GPR158: variants seen among roughly 807,000 people sequenced by gnomAD.
GPR158 encodes G protein-coupled receptor 158.
GPR158 carries 30 observed loss-of-function variants against 78.2 expected under a neutral mutation model. The observed-to-expected ratio is 0.38, with a 90% CI of 0.29 to 0.52. The LOEUF is 0.52. Ranked by LOEUF, GPR158 falls within the 20% of genes least tolerant of loss-of-function variation. The pLI, the probability that GPR158 is intolerant of heterozygous loss-of-function variation, is 0.83. For synonymous variants in GPR158, 581 were observed against 591.1 expected, an observed-to-expected ratio of 0.98 and a Z score of 0.25; for missense variants, 1,463 against 1,523.5, an observed-to-expected ratio of 0.96 and a Z score of 0.66.
intron 2 of GPR158, among the ~76,000 whole-genome samples, chr10:25,305,897 A>C (rs7101138): frequency 0.2 from 30,797 of 152,092 alleles, 5,268 homozygotes; most frequent in African/African-American, 0.47. Context: ...TTTTTGGTTT[A>C]AGTTTGTGGC....
At chr10:25,226,936 GT>G (rs1853380760) in intron 2 of GPR158, among the ~76,000 whole-genome samples, 1 of 152,152 alleles carries the variant, frequency 6.6e-6, no homozygotes. Context: ...TCTTTCCTCT[GT>G]TTCAGTCACC....
At chr10:25,576,550 A>G (rs1465059869) in intron 7 of GPR158, among the ~76,000 whole-genome samples, 5 of 152,194 alleles carry the variant, frequency 3.3e-5, no homozygotes, top group Admixed American at 6.5e-5. Flanking sequence ...ATACTGGGAA[A>G]GAGGACATAG....
At chr10:25,286,857 G>T (rs1209813940) in intron 2 of GPR158, among the ~76,000 whole-genome samples, 1 of 152,076 alleles carries the variant, frequency 6.6e-6, no homozygotes, top group African/African-American at 2.4e-5. Context: ...TATGTTTAGG[G>T]TGATGGTAGT....
chr10:25,511,619 A>G (rs1056433978), intron 5 of GPR158, among the ~76,000 whole-genome samples: 3 of 152,160 alleles, frequency 2.0e-5, no homozygotes, highest in Non-Finnish European at 4.4e-5. Context: ...GTCTGAGCCA[A>G]TGTCTAGAAG....
At chr10:25,468,070 T>A (rs12770449) in intron 5 of GPR158, among the ~76,000 whole-genome samples, 22,264 of 152,066 alleles carry the variant, frequency 0.15, 1,820 homozygotes, top group African/African-American at 0.2. Flanking sequence ...TGCACCTGCG[T>A]ATCTCTTAGG....
Position 25,495,166 on chromosome 10 carries a change from G to C in GPR158, c.1404+28447G>C, listed in dbSNP as rs1247182376. Among the ~76,000 whole-genome samples, 10 of 147,220 alleles carry C rather than the reference G, an allele frequency of 6.8e-5. No individual in the cohort carries two copies. In the East Asian group the frequency reaches 2.0e-3, roughly 29 times the overall value. ...TCCACTAACTTTTTTTTTTTTTTTA[G>C]ATATATAAGTACATGAGGAACAAAT... is the stretch of plus-strand genomic sequence containing the variant. On this transcript the variant is annotated intron_variant, in intron 5 of 10. Transcript: ENST00000376351.
chr10:25,502,180 C>T (rs950933435), intron 5 of GPR158, among the ~76,000 whole-genome samples: 1 of 152,072 alleles, frequency 6.6e-6, no homozygotes, highest in African/African-American at 2.4e-5. Context: ...TTTAAGCTTC[C>T]CCTGAGACAG....
chr10:25,418,741 C>T (rs1212782979), intron 4 of GPR158, among the ~76,000 whole-genome samples: 1 of 147,604 alleles, frequency 6.8e-6, no homozygotes, highest in Non-Finnish European at 1.5e-5. Context: ...GAAGGAACAG[C>T]AGCATATACC....
At chr10:25,496,185 G>A (rs1835878301) in intron 5 of GPR158, among the ~76,000 whole-genome samples, 1 of 152,136 alleles carries the variant, frequency 6.6e-6, no homozygotes, top group Admixed American at 6.5e-5. Flanking sequence ...ACATCCTTTT[G>A]ATTACTGGGC....
At chr10:25,311,827 A>G (rs1854769645) in intron 2 of GPR158, among the ~76,000 whole-genome samples, 1 of 139,138 alleles carries the variant, frequency 7.2e-6, no homozygotes, top group East Asian at 2.0e-4. Flanking sequence ...TACAGTTAAG[A>G]ATTTTTTTAA....
intron 1 of GPR158, among the ~76,000 whole-genome samples, chr10:25,191,540 GTAGT>G (rs1014790603): frequency 8.5e-5 from 13 of 152,322 alleles, no homozygotes; most frequent in Non-Finnish European, 1.5e-4. Flanking sequence ...TAATTCGGAA[GTAGT>G]TAGTCCTTAA....
intron 2 of GPR158, among the ~76,000 whole-genome samples, chr10:25,363,548 G>A (rs969352047): frequency 6.6e-6 from 1 of 151,860 alleles, no homozygotes; most frequent in South Asian, 2.1e-4. Context: ...AGGAGGAAAT[G>A]CTCAAATCTC....
chr10:25,378,584 T>C (rs943727787), intron 2 of GPR158, among the ~76,000 whole-genome samples: 5 of 150,658 alleles, frequency 3.3e-5, no homozygotes, highest in Non-Finnish European at 5.9e-5. Context: ...TTTTTTATTA[T>C]TTAACTTTTC....
At chr10:25,291,527 G>A (rs1174449049) in intron 2 of GPR158, among the ~76,000 whole-genome samples, 1 of 151,936 alleles carries the variant, frequency 6.6e-6, no homozygotes, top group Non-Finnish European at 1.5e-5. Context: ...GCTGCTTCTT[G>A]TAACACATAT....
chr10:25,466,393 T>A (rs2130617391), intron 4 of GPR158: 1 of 351,734 alleles, frequency 2.8e-6, no homozygotes, highest in Admixed American at 4.4e-5. Context: ...CTGCTCAGGC[T>A]TTTTAATGAT....
At chr10:25,373,060 C>G (rs376850936) in intron 2 of GPR158, among the ~76,000 whole-genome samples, 3 of 151,810 alleles carry the variant, frequency 2.0e-5, no homozygotes, top group African/African-American at 7.3e-5. Flanking sequence ...AAATGCCCAT[C>G]AACGGCAGAT....
At chr10:25,318,762 G>T (rs181909873) in intron 2 of GPR158, among the ~76,000 whole-genome samples, 108 of 152,262 alleles carry the variant, frequency 7.1e-4, no homozygotes, top group African/African-American at 2.2e-3. Flanking sequence ...TTATTAAAAT[G>T]AAAGTCTGAC....
At chr10:25,445,286 A>G (rs934168914) in intron 4 of GPR158, among the ~76,000 whole-genome samples, 3 of 152,180 alleles carry the variant, frequency 2.0e-5, no homozygotes, top group Admixed American at 6.6e-5. Flanking sequence ...ACTTTCCTAG[A>G]TAAGAAAGAG....
chr10:25,546,061 T>C (rs1242729238), intron 5 of GPR158, among the ~76,000 whole-genome samples: 1 of 151,626 alleles, frequency 6.6e-6, no homozygotes, highest in African/African-American at 2.4e-5. Flanking sequence ...CTGGAGAGAG[T>C]CATGAATGCC....
Sources: allele counts gnomAD v4.1 joint callset (sites outside exome capture counted in the v4.1 genomes callset), GRCh38; gene constraint gnomAD v4.1.1; transcripts MANE v1.5; gene names NCBI Gene and HGNC (gene_info 2026-07-23, HGNC 2026-07-21).